Variants in NAALADL2 observed in about 807,000 individuals in gnomAD.
NAALADL2 encodes inactive N-acetylated-alpha-linked acidic dipeptidase-like protein 2.
In NAALADL2, 76 loss-of-function variants were observed where a neutral mutation model predicts 87.2. That is an observed-to-expected ratio of 0.87 (90% CI 0.72 to 1.05). The LOEUF (loss-of-function observed/expected upper bound fraction) is 1.05. Among genes scored for constraint, NAALADL2 ranks in the 50% least tolerant of loss-of-function variants. The pLI is 0.00. For synonymous variants in NAALADL2, 354 were observed against 331.0 expected (o/e 1.07, Z -0.75); for missense variants, 1,089 against 945.8 (o/e 1.15, Z -1.99).
chr3:175,062,714 T>G (rs1713768547), intron 1 of NAALADL2, among the ~76,000 whole-genome samples: 1 of 152,324 alleles, frequency 6.6e-6, no homozygotes, highest in Admixed American at 6.5e-5. Flanking sequence ...AACCAATCAC[T>G]TAGCAAGAAC....
At chr3:175,680,734 T>G (rs1260243583) in intron 11 of NAALADL2, among the ~76,000 whole-genome samples, 1 of 152,188 alleles carries the variant, frequency 6.6e-6, no homozygotes, top group Non-Finnish European at 1.5e-5. Context: ...TACAGACCTG[T>G]TGCATTCTTA....
At chr3:175,242,102 C>T (rs764706448) in intron 3 of NAALADL2, among the ~76,000 whole-genome samples, 25 of 151,856 alleles carry the variant, frequency 1.6e-4, no homozygotes, top group East Asian at 3.9e-4. Context: ...CCTCGTGATC[C>T]GCCCACCTCA....
At chr3:175,087,356 G>C (rs565909581) in intron 1 of NAALADL2, among the ~76,000 whole-genome samples, 1 of 151,966 alleles carries the variant, frequency 6.6e-6, no homozygotes, top group East Asian at 1.9e-4. Context: ...CGGCCGCCCC[G>C]TCTGGGAAGT....
intron 9 of NAALADL2, among the ~76,000 whole-genome samples, chr3:175,521,324 A>T (rs1262496717): frequency 6.6e-6 from 1 of 152,166 alleles, no homozygotes; most frequent in Non-Finnish European, 1.5e-5. Flanking sequence ...TCTTGTAGTT[A>T]ATATTAATTT....
chr3:174,638,586 GT>G (rs201043899), intron 2 of NAALADL2, among the ~76,000 whole-genome samples: 3 of 151,096 alleles, frequency 2.0e-5, no homozygotes, highest in East Asian at 1.9e-4. Context: ...GGAGGGTCAG[GT>G]TTTTTTTTAA....
intron 2 of NAALADL2, among the ~76,000 whole-genome samples, chr3:175,190,100 C>T (rs965647654): frequency 1.3e-5 from 2 of 151,960 alleles, no homozygotes; most frequent in Admixed American, 1.3e-4. Context: ...AACCATCAAA[C>T]TCCTGGAAGA....
intron 2 of NAALADL2, among the ~76,000 whole-genome samples, chr3:175,230,331 T>G (rs1267026415): frequency 6.6e-6 from 1 of 151,952 alleles, no homozygotes; most frequent in African/African-American, 2.4e-5. Context: ...ATTATAAACT[T>G]TTGCTTATCA....
At chr3:174,803,084 C>T (rs6801689) in intron 3 of NAALADL2, among the ~76,000 whole-genome samples, 3,650 of 152,204 alleles carry the variant, frequency 0.024, 170 homozygotes, top group African/African-American at 0.084. Context: ...AACTACTTTA[C>T]GCTCCCACCA....
At chr3:175,217,649 G>GA (rs1742757641) in intron 2 of NAALADL2, among the ~76,000 whole-genome samples, 1 of 152,282 alleles carries the variant, frequency 6.6e-6, no homozygotes. Context: ...TTAGGGCTGT[G>GA]AAAAAAGCAA....
intron 5 of NAALADL2, among the ~76,000 whole-genome samples, chr3:175,360,095 T>G (rs1764813479): frequency 6.6e-6 from 1 of 152,174 alleles, no homozygotes; most frequent in Non-Finnish European, 1.5e-5. Context: ...ACTCCCTATC[T>G]CCCTATCTTA....
At chr3:175,706,853 C>A (rs1217132685) in intron 11 of NAALADL2, among the ~76,000 whole-genome samples, 1 of 152,082 alleles carries the variant, frequency 6.6e-6, no homozygotes, top group Non-Finnish European at 1.5e-5. Context: ...GTTAACTCTT[C>A]AGTATTTAGC....
intron 1 of NAALADL2, among the ~76,000 whole-genome samples, chr3:175,060,427 T>A (rs543209270): frequency 1.3e-5 from 2 of 152,356 alleles, no homozygotes; most frequent in Admixed American, 6.5e-5. Context: ...GTGAGCAATC[T>A]GTCAAATATC....
chr3:175,667,232 AAAGAAAGAAAAAGAAAGAAAGAAAG>A (rs1733250411), intron 11 of NAALADL2, among the ~76,000 whole-genome samples: 1 of 105,586 alleles, frequency 9.5e-6, no homozygotes, highest in African/African-American at 5.5e-5. Flanking sequence ...AGAAAGAAAG[AAAGAAAGAAAAAGAAAGAAAGAAAG>A]AAAGAAAGGA....
intron 4 of NAALADL2, among the ~76,000 whole-genome samples, chr3:175,320,494 C>T (rs1311317345): frequency 6.6e-6 from 1 of 152,102 alleles, no homozygotes; most frequent in Non-Finnish European, 1.5e-5. Flanking sequence ...GCTGGTACCT[C>T]CAGGCAGAGA....
At chr3:175,482,789 A>G (rs945840898) in intron 9 of NAALADL2, among the ~76,000 whole-genome samples, 11 of 151,772 alleles carry the variant, frequency 7.2e-5, no homozygotes, top group African/African-American at 2.2e-4. Flanking sequence ...TGGAAAATTT[A>G]TGAGGGAAGG....
At chr3:175,732,620 C>T (rs965510689) in intron 11 of NAALADL2, among the ~76,000 whole-genome samples, 7 of 152,086 alleles carry the variant, frequency 4.6e-5, no homozygotes, top group African/African-American at 1.2e-4. Flanking sequence ...AGAACATCCT[C>T]ATCGTGTGCT....
intron 1 of NAALADL2, among the ~76,000 whole-genome samples, chr3:174,463,556 A>AGAATCC (rs890189054): frequency 2.0e-5 from 3 of 151,860 alleles, no homozygotes; most frequent in African/African-American, 7.3e-5. Flanking sequence ...TTCTTTTGTG[A>AGAATCC]GAATCCTAAA....
chr3:174,683,669 A>C (rs1560142183), intron 2 of NAALADL2, among the ~76,000 whole-genome samples: 1 of 146,716 alleles, frequency 6.8e-6, no homozygotes, highest in African/African-American at 2.5e-5. Flanking sequence ...TGTGTGTGTA[A>C]TGTATATGTA....
intron 2 of NAALADL2, among the ~76,000 whole-genome samples, chr3:175,189,676 CAAGAT>C (rs1246110542): frequency 6.6e-6 from 1 of 152,098 alleles, no homozygotes; most frequent in Non-Finnish European, 1.5e-5. Flanking sequence ...CAATTCCTGT[CAAGAT>C]AAGAATAACA....
Sources: allele counts gnomAD v4.1 joint callset (sites outside exome capture counted in the v4.1 genomes callset), GRCh38; gene constraint gnomAD v4.1.1; transcripts MANE v1.5; gene names NCBI Gene and HGNC (gene_info 2026-07-23, HGNC 2026-07-21).